The following HHLA2 variants were observed in gnomAD, a reference collection of about 807,000 sequenced individuals.
The protein encoded by HHLA2 is HHLA2 member of B7 family.
In HHLA2, 48 loss-of-function variants were observed where a neutral mutation model predicts 45.9. That is an observed-to-expected ratio of 1.05 (90% CI 0.83 to 1.33). The LOEUF (loss-of-function observed/expected upper bound fraction) is 1.33, where lower values mean the gene tolerates loss of function less well. Among genes scored for constraint, HHLA2 ranks in the 40% most tolerant of loss-of-function variants. HHLA2 has a pLI of 0.00. For missense variants in HHLA2, 462 were observed against 494.3 expected, an observed-to-expected ratio of 0.93 and a Z score of 0.62; for synonymous variants, 161 against 173.9, an observed-to-expected ratio of 0.93 and a Z score of 0.59.
intron 1 of HHLA2, among the ~76,000 whole-genome samples, chr3:108,306,909 G>A (rs2080939738): frequency 6.6e-6 from 1 of 152,026 alleles, no homozygotes; most frequent in Admixed American, 6.6e-5. Flanking sequence ...AGGCTGGAGT[G>A]CAATGGCACG....
Position 108,360,875 on chromosome 3 carries a change from T to A in HHLA2, c.1004-1467T>A, listed in dbSNP as rs916579669. ...GAATGACACAAATAGGTGGAGAGAT[T>A]AATATTTTATTAGTTGTAAAACACT... On this transcript the variant is annotated intron_variant, in intron 7 of 10. Coordinates refer to ENST00000619531, the Ensembl canonical transcript of HHLA2. Among the ~76,000 whole-genome samples the A allele has an allele frequency of 3.4e-4, 51 of 152,190 alleles. 1 individual carries two copies. Among genetic ancestry groups the A allele is most frequent in the Admixed American group, 2.6e-3 (39 of 15,272 alleles).
rs142620120 is a variant in HHLA2 at position 108,317,315 on chromosome 3, C to T, written c.-105+6574C>T. On this transcript the variant is annotated intron_variant, in intron 2 of 10. Coordinates refer to ENST00000619531, the Ensembl canonical transcript of HHLA2. Reference sequence around the variant, plus strand: ...AACCAGGATTTTTTTAAAGTATAGACACATTCTTCACTATCCTCTAGTAGG... The same window carrying T: ...AACCAGGATTTTTTTAAAGTATAGATACATTCTTCACTATCCTCTAGTAGG... Among the ~76,000 whole-genome samples the T allele has an allele frequency of 1.7e-3, 264 of 152,278 alleles. 1 individual carries two copies. The highest frequency in any genetic ancestry group is 1.9e-3 in the Non-Finnish European group (132 of 68,032).
intron 9 of HHLA2, 29 bp downstream of exon 8, chr3:108,375,829 G>A (rs778115971): frequency 2.5e-6 from 4 of 1,606,344 alleles, no homozygotes; most frequent in Non-Finnish European, 3.4e-6. Flanking sequence ...AGAGAAGAAT[G>A]GATTCTGGTT....
chr3:108,351,798 A>G lies in HHLA2; in HGVS notation c.-16A>G, dbSNP rs2081782783. 1.9e-6 allele frequency: 3 copies of G among 1,609,882 alleles called. No homozygotes were observed. The highest frequency in any genetic ancestry group is 2.5e-6 in the Non-Finnish European group (3 of 1,176,904). ...ACTTCTCTTTGATAGCATGACTAATATGTTCTGCACAAGACATGAAGGCAC... is the reference window on the plus strand; with the variant it reads ...ACTTCTCTTTGATAGCATGACTAATGTGTTCTGCACAAGACATGAAGGCAC... On this transcript the variant is annotated 5_prime_UTR_variant, in exon 4 of 11. In the 5' UTR this introduces an upstream ATG that the reference lacks. Coordinates refer to ENST00000619531, the Ensembl canonical transcript of HHLA2.
At chr3:108,318,604 G>T (rs1019353739) in intron 2 of HHLA2, among the ~76,000 whole-genome samples, 5 of 151,450 alleles carry the variant, frequency 3.3e-5, no homozygotes, top group African/African-American at 4.9e-5. Context: ...CTTTTTCTTC[G>T]TATTATACTA....
At chr3:108,367,518 C>CTGAT (rs1328783839) in intron 8 of HHLA2, among the ~76,000 whole-genome samples, 1 of 151,774 alleles carries the variant, frequency 6.6e-6, no homozygotes, top group African/African-American at 2.4e-5. Flanking sequence ...TATAAATGAC[C>CTGAT]TGATGGAGCT....
rs571980527 is a variant in HHLA2, at chr3:108,318,677, G to A, written c.-105+7936G>A. ...GAAAAAAAAATCACAACTCTATCAT[G>A]TAAAGAAACAATACTAACATTTTAC... is the stretch of plus-strand genomic sequence containing the variant. On this transcript the variant is annotated intron_variant, in intron 2 of 10. Coordinates refer to ENST00000619531, the Ensembl canonical transcript of HHLA2. Among the ~76,000 whole-genome samples, 17 of 152,192 alleles carry A rather than the reference G, an allele frequency of 1.1e-4. 1 individual carries two copies. The highest frequency in any genetic ancestry group is 7.2e-4 in the Admixed American group (11 of 15,292).
At chr3:108,309,474 A>G (rs184664572) in intron 1 of HHLA2, among the ~76,000 whole-genome samples, 41 of 152,208 alleles carry the variant, frequency 2.7e-4, no homozygotes, top group Admixed American at 1.9e-3. Context: ...TTTGCTTAGG[A>G]TGGCTCTGGT....
chr3:108,303,585 A>G (rs570248136), intron 1 of HHLA2, among the ~76,000 whole-genome samples: 5 of 152,122 alleles, frequency 3.3e-5, no homozygotes, highest in African/African-American at 1.2e-4. Flanking sequence ...ATTATTTTGT[A>G]TATTTTTTTC....
chr3:108,355,365 G>T lies in HHLA2; in HGVS notation c.669G>T (p.Gly223=), dbSNP rs2081870327. The T allele has an allele frequency of 1.9e-6, 3 of 1,612,808 alleles. No individual in the cohort carries two copies. In the South Asian group the frequency reaches 3.3e-5, roughly 18 times the overall value. Residue 223 remains glycine, a synonymous_variant, in exon 6 of 11, where the codon GGG becomes GGT. Coordinates refer to ENST00000619531, the Ensembl canonical transcript of HHLA2. Reference sequence around the variant, plus strand: ...CACTGCTGAAGCAAACATGGACAGGGCGCTGGACGATGAAAGGTAGGCTCC... The same window carrying T: ...CACTGCTGAAGCAAACATGGACAGGTCGCTGGACGATGAAAGGTAGGCTCC...
At chr3:108,376,595 T>G (rs1427131342) in intron 10 of HHLA2, 38 bp downstream of exon 9, 18 of 1,552,656 alleles carry the variant, frequency 1.2e-5, no homozygotes, top group Non-Finnish European at 1.6e-5. Context: ...ATATACAGTA[T>G]AAAAATGCTT....
chr3:108,349,488 T>G (rs1231891521), intron 3 of HHLA2, among the ~76,000 whole-genome samples: 2 of 152,132 alleles, frequency 1.3e-5, no homozygotes, highest in African/African-American at 2.4e-5. Flanking sequence ...GTTCTGAAAT[T>G]GAGGCAGTAA....
At chr3:108,334,007 C>T (rs779338704) in intron 3 of HHLA2, among the ~76,000 whole-genome samples, 4 of 152,114 alleles carry the variant, frequency 2.6e-5, no homozygotes, top group African/African-American at 7.2e-5. Flanking sequence ...AAGTAAATTG[C>T]GAAGGCAGGC....
intron 5 of HHLA2, among the ~76,000 whole-genome samples, chr3:108,354,370 TATATA>T (rs1367159397): frequency 1.3e-5 from 2 of 151,660 alleles, no homozygotes; most frequent in Non-Finnish European, 2.9e-5. Flanking sequence ...TTAATATAAC[TATATA>T]ATATATTAAC....
Position 108,358,162 on chromosome 3 carries a change from G to C in HHLA2, c.1003+1G>C. The C allele has an allele frequency of 6.3e-7, 1 of 1,593,624 alleles. No homozygotes were observed. Among genetic ancestry groups the C allele is most frequent in the Non-Finnish European group, 8.6e-7 (1 of 1,167,286 alleles). Reference sequence around the variant, plus strand: ...CTTACCATCCACACAGTGCATGTAGGTAAGTTGCAAGTAGGTTTGGATAAT... The same window carrying C: ...CTTACCATCCACACAGTGCATGTAGCTAAGTTGCAAGTAGGTTTGGATAAT... On this transcript the variant is annotated splice_donor_variant, in intron 7 of 10. Transcript: ENST00000619531. LOFTEE classifies it high-confidence loss of function.
chr3:108,367,722 G>A (rs150829882), intron 8 of HHLA2, among the ~76,000 whole-genome samples: 57 of 152,150 alleles, frequency 3.7e-4, no homozygotes, highest in African/African-American at 1.2e-3. Flanking sequence ...AGACCAAACC[G>A]GTGATTGATT....
intron 8 of HHLA2, 118 bp downstream of exon 7, chr3:108,362,564 G>T: frequency 1.4e-6 from 1 of 712,892 alleles, no homozygotes; most frequent in South Asian, 1.8e-5. Context: ...TTTCTGGAAT[G>T]TCATTCACAA....
chr3:108,312,988 G>T (rs2081045962), intron 2 of HHLA2, among the ~76,000 whole-genome samples: 1 of 152,132 alleles, frequency 6.6e-6, no homozygotes, highest in South Asian at 2.1e-4. Flanking sequence ...GTTGTGGGAG[G>T]ACTCAACATT....
exon 6 of HHLA2, chr3:108,355,293 G>A: frequency 6.2e-7 from 1 of 1,613,846 alleles, no homozygotes; most frequent in Admixed American, 1.7e-5. Flanking sequence ...ACAGCCCACT[G>A]AATATTACAG....
Sources: gnomAD v4.1 joint callset for allele counts (sites outside exome capture counted in the v4.1 genomes callset) on GRCh38, gnomAD v4.1.1 for gene constraint, MANE v1.5 for transcripts, NCBI Gene and HGNC (gene_info 2026-07-23, HGNC 2026-07-21) for gene names.